The following PCNX4 variants were observed in gnomAD, a reference collection of about 807,000 sequenced individuals.
PCNX4 encodes pecanex 4.
A neutral mutation model predicts 107.2 loss-of-function variants in PCNX4; 103 were observed. The observed-to-expected ratio is 0.96, with a 90% confidence interval of 0.82 to 1.13. The LOEUF (loss-of-function observed/expected upper bound fraction) is 1.13, where lower values mean the gene tolerates loss of function less well. PCNX4 is among the 50% of genes most tolerant of loss of function. PCNX4 has a pLI of 0.00. For synonymous variants in PCNX4, 541 were observed against 481.7 expected (o/e 1.12, Z -1.61); for missense variants, 1,528 against 1,379.4 (o/e 1.11, Z -1.71).
At chr14:60,097,727 C>T (rs1895451846) in intron 1 of PCNX4, among the ~76,000 whole-genome samples, 1 of 152,214 alleles carries the variant, frequency 6.6e-6, no homozygotes, top group Admixed American at 6.5e-5. Flanking sequence ...GCATGGGTCA[C>T]CCCATTCCTG....
At position 60,134,328 on chromosome 14, in the gene PCNX4, G is replaced by A. The variant is rs1383015761; in HGVS notation, c.*107G>A. ...GAGGACTTCTCCACACCCCCATTCA[G>A]ATGCCTGAGAACAGCTAAGCTCCGT... On this transcript the variant is annotated 3_prime_UTR_variant, in exon 11 of 11. Transcript: ENST00000406854. 1 of 1,363,332 alleles carries A rather than the reference G, an allele frequency of 7.3e-7. No individual in the cohort carries two copies. Among genetic ancestry groups the A allele is most frequent in the Non-Finnish European group, 1.0e-6 (1 of 992,198 alleles). The allele number at this position is 1,363,332 out of a possible 1,614,324, so 84.5% of individuals were successfully genotyped here. A position where few individuals can be genotyped will look rare whatever the true frequency, so the allele number is the denominator to read the frequency against.
At position 60,141,356 on chromosome 14, in the gene PCNX4, A is replaced by G. The variant is rs75750410; in HGVS notation, c.*7135A>G. On this transcript the variant is annotated 3_prime_UTR_variant, in exon 11 of 11. Transcript: ENST00000406854. ...CATAAACAAAAAACTGGTTCTTCAA[A>G]AAACAATCAAGAAAATCCATAAACC... is the stretch of plus-strand genomic sequence containing the variant. 36 of 151,654 alleles carry G rather than the reference A, an allele frequency of 2.4e-4. No individual in the cohort carries two copies. In the East Asian group the frequency reaches 5.6e-3, roughly 24 times the overall value. The allele number at this position is 151,654 out of a possible 1,614,324, so 9.4% of individuals were successfully genotyped here.
chr14:60,144,793 A>T lies in PCNX4; in HGVS notation c.*10572A>T. The T allele has an allele frequency of 1.6e-6, 1 of 621,838 alleles. No individual in the cohort carries two copies. Among genetic ancestry groups the T allele is most frequent in the African/African-American group, 1.9e-5 (1 of 52,828 alleles). The allele number at this position is 621,838 out of a possible 1,614,324, so 38.5% of individuals were successfully genotyped here. ...AGTTAATACCTTTTTTGCAAGATTC[A>T]TGGCAATCTTTTATTATTTATTTTT... On this transcript the variant is annotated 3_prime_UTR_variant, in exon 11 of 11. Coordinates refer to ENST00000406854, the MANE Select transcript of PCNX4 (RefSeq NM_001330177.2).
At chr14:60,106,492 G>A (rs557090525) in intron 1 of PCNX4, among the ~76,000 whole-genome samples, 109 of 152,202 alleles carry the variant, frequency 7.2e-4, no homozygotes, top group Non-Finnish European at 1.2e-3. Flanking sequence ...CACAGACACG[G>A]AGGGCCAGCT....
At position 60,133,702 on chromosome 14, in the gene PCNX4, CAA is replaced by C. The variant is rs1209167085; in HGVS notation, c.3268-266_3268-265del. 3.4e-5 allele frequency: 20 copies of C among 594,864 alleles called. No homozygotes were observed. The East Asian group carries it at 7.0e-4, about 21-fold the overall frequency. The allele number at this position is 594,864 out of a possible 1,614,324, so 36.8% of individuals were successfully genotyped here. Reference sequence around the variant, plus strand: ...GAGGCAACAGATCAGAAAAGGCAGACAAAGAGAAGTGACTAAGATTTTGCCTA... The same window carrying C: ...GAGGCAACAGATCAGAAAAGGCAGACAGAGAAGTGACTAAGATTTTGCCTA... On this transcript the variant is annotated intron_variant, in intron 10 of 10. Coordinates refer to ENST00000406854, the MANE Select transcript of PCNX4 (RefSeq NM_001330177.2).
chr14:60,125,210 A>T lies in PCNX4; in HGVS notation c.3039A>T (p.Thr1013=). 6.2e-7 allele frequency: 1 copy of T among 1,603,850 alleles called. No homozygotes were observed. Among genetic ancestry groups the T allele is most frequent in the Non-Finnish European group, 8.5e-7 (1 of 1,175,940 alleles). Residue 1013 remains threonine (T), a synonymous_variant, in exon 9 of 11, where the codon ACA becomes ACT. Coordinates refer to ENST00000406854, the MANE Select transcript of PCNX4 (RefSeq NM_001330177.2). ...LPWSVALDWL[T]EKPELFQLAL... is the part of the protein sequence containing the mutation. ...GGTCTGTTGCTTTGGACTGGCTCAC[A>T]GAAAAGCCAGAACTGTTTCAACTAG...
Position 60,098,926 on chromosome 14 carries a change from G to A in PCNX4, c.-54+6507G>A, listed in dbSNP as rs578213522. Among the ~76,000 whole-genome samples the A allele has an allele frequency of 7.3e-5, 11 of 149,704 alleles. No homozygotes were observed. In the South Asian group the frequency reaches 1.9e-3, roughly 26 times the overall value. On this transcript the variant is annotated intron_variant, in intron 1 of 10. Coordinates refer to ENST00000406854, the MANE Select transcript of PCNX4 (RefSeq NM_001330177.2). ...GTACTCCAGCCTGGGCAACAACAGC[G>A]AAACTCCGTCTCAAAAAGAAAAAAA...
intron 7 of PCNX4, 110 bp downstream of exon 7, chr14:60,118,802 C>T (rs1311981885): frequency 1.6e-6 from 2 of 1,223,058 alleles, no homozygotes; most frequent in East Asian, 2.8e-5. Context: ...GCATAACAAC[C>T]ATAACAATTT....
chr14:60,096,833 A>G (rs1895434710), intron 1 of PCNX4, among the ~76,000 whole-genome samples: 1 of 152,262 alleles, frequency 6.6e-6, no homozygotes, highest in African/African-American at 2.4e-5. Flanking sequence ...AGATAAATCA[A>G]TACCAATTTA....
At chr14:60,126,785 C>A (rs1043925972) in intron 10 of PCNX4, among the ~76,000 whole-genome samples, 2 of 152,180 alleles carry the variant, frequency 1.3e-5, no homozygotes, top group Admixed American at 6.5e-5. Context: ...ACCGCACTTA[C>A]GGGATGGAGA....
rs752408903 is a variant in PCNX4 at position 60,115,038 on chromosome 14, G to A, written c.934G>A (p.Val312Ile). Residue 312 changes from valine (V) to isoleucine (I), a missense_variant, in exon 4 of 11, where the codon GTT (valine) becomes ATT (isoleucine). By Grantham distance (29) the Val-to-Ile change is conservative (BLOSUM62 3). Transcript: ENST00000406854. ...AIASYFIPST[V>I]GVVLFMTGFG... ...AGCATCATATTTCATTCCAAGCACT[G>A]TTGGTGTGGTTCTTTTCATGACTGG... is the stretch of plus-strand genomic sequence containing the variant. 1 of 1,613,418 alleles carries A rather than the reference G, an allele frequency of 6.2e-7. No individual in the cohort carries two copies. Among genetic ancestry groups the A allele is most frequent in the South Asian group, 1.1e-5 (1 of 91,074 alleles).
At position 60,116,045 on chromosome 14, in the gene PCNX4, A is replaced by G. The variant is rs1432140126; in HGVS notation, c.1563A>G (p.Gly521=). 2 of 1,609,060 alleles carry G rather than the reference A, an allele frequency of 1.2e-6. No homozygotes were observed. Among genetic ancestry groups the G allele is most frequent in the Non-Finnish European group, 1.7e-6 (2 of 1,177,960 alleles). ...GGTGGAACAGAAGCCTGGATACAGGACTCAGACTCTTACTGGTAAGTGTGT... is the reference window on the plus strand; with the variant it reads ...GGTGGAACAGAAGCCTGGATACAGGGCTCAGACTCTTACTGGTAAGTGTGT... The part of the protein sequence containing the change: ...DIWWNRSLDT[G]LRLLLVGIIR... Residue 521 remains glycine (G), a synonymous_variant, in exon 6 of 11, where the codon GGA becomes GGG. Transcript: ENST00000406854.
rs1385971637 is a variant in PCNX4, at chr14:60,107,984, C to A, written c.346C>A (p.His116Asn). The change falls in exon 2 of 11, where the codon CAT becomes AAT. Residue 116 changes from histidine (H) to asparagine (N), a missense_variant. Coordinates refer to ENST00000406854, the MANE Select transcript of PCNX4 (RefSeq NM_001330177.2). ...TTDILAEEDEHEFTSCTGAET... is the reference protein window; with the variant it reads ...TTDILAEEDENEFTSCTGAET... ...GGATATCTTAGCAGAGGAGGATGAG[C>A]ATGAATTTACCAGTTGTACTGGTGC... 1.2e-6 allele frequency: 2 copies of A among 1,612,640 alleles called. No homozygotes were observed. The highest frequency in any genetic ancestry group is 3.3e-5 in the Admixed American group (2 of 59,994).
intron 10 of PCNX4, among the ~76,000 whole-genome samples, chr14:60,132,648 A>G (rs1896175516): frequency 6.6e-6 from 1 of 152,174 alleles, no homozygotes; most frequent in African/African-American, 2.4e-5. Context: ...CTCAAAGGAC[A>G]CCATCAAAAA....
chr14:60,092,302 C>G lies in PCNX4; in HGVS notation c.-171C>G, dbSNP rs975268859. On this transcript the variant is annotated 5_prime_UTR_variant, in exon 1 of 11. Transcript: ENST00000406854. ...TCGTTATTCGGCCGCCGCAGCTTTT[C>G]TGCCTCCGCATTCGGGCACTAACCA... The G allele has an allele frequency of 6.6e-6, 1 of 152,292 alleles. No individual in the cohort carries two copies. Among genetic ancestry groups the G allele is most frequent in the African/African-American group, 2.4e-5 (1 of 41,478 alleles). 9.4% of individuals were successfully genotyped at this position (152,292 alleles called of 1,614,324 possible).
intron 6 of PCNX4, 94 bp from the exon 7 acceptor site, chr14:60,118,232 CAAT>C (rs1170339730): frequency 7.7e-7 from 1 of 1,304,018 alleles, no homozygotes; most frequent in African/African-American, 1.5e-5. Context: ...AATACTGGGG[CAAT>C]AATAAAATTA....
rs1345905227 is a variant in PCNX4 at position 60,144,704 on chromosome 14, C to G, written c.*10483C>G. The G allele has an allele frequency of 2.9e-6, 1 of 342,388 alleles. No individual in the cohort carries two copies. Among genetic ancestry groups the G allele is most frequent in the Non-Finnish European group, 5.2e-6 (1 of 191,808 alleles). The allele number at this position is 342,388 out of a possible 1,614,324, so 21.2% of individuals were successfully genotyped here. Reference sequence around the variant, plus strand: ...AAATGGACTAAGACAAATCTGTTAACTTAGATTTTAAGCATATGTGCTAAA... The same window carrying G: ...AAATGGACTAAGACAAATCTGTTAAGTTAGATTTTAAGCATATGTGCTAAA... On this transcript the variant is annotated 3_prime_UTR_variant, in exon 11 of 11. Coordinates refer to ENST00000406854, the MANE Select transcript of PCNX4 (RefSeq NM_001330177.2).
At position 60,115,160 on chromosome 14, in the gene PCNX4, A is replaced by G. The variant is rs780339445; in HGVS notation, c.1056A>G (p.Ser352=). Residue 352 remains serine, a synonymous_variant, in exon 4 of 11, where the codon TCA becomes TCG. Coordinates refer to ENST00000406854, the MANE Select transcript of PCNX4 (RefSeq NM_001330177.2). The stretch of plus-strand genomic sequence containing the variant: ...CCAGTGGTCCGGAAAAACATTTTTC[A>G]TGGAAGGAATGCCTTTTCTACATCA... The part of the protein sequence containing the change: ...DLPSGPEKHF[S]WKECLFYIII... The G allele has an allele frequency of 9.0e-5, 145 of 1,613,374 alleles. No individual in the cohort carries two copies. Among genetic ancestry groups the G allele is most frequent in the African/African-American group, 1.2e-4 (9 of 74,910 alleles).
chr14:60,093,697 G>T (rs1895360094), intron 1 of PCNX4, among the ~76,000 whole-genome samples: 2 of 152,182 alleles, frequency 1.3e-5, no homozygotes, highest in Middle Eastern at 3.4e-3. Flanking sequence ...TCTCTGTTGG[G>T]TGTATACCTG....
Sources: allele counts gnomAD v4.1 joint callset (sites outside exome capture counted in the v4.1 genomes callset), GRCh38; gene constraint gnomAD v4.1.1; transcripts MANE v1.5; gene names NCBI Gene and HGNC (gene_info 2026-07-23, HGNC 2026-07-21).